RCN2: variants seen among roughly 807,000 people sequenced by gnomAD.
The protein encoded by RCN2 is reticulocalbin-2.
RCN2 carries 23 observed loss-of-function variants against 37.5 expected under a neutral mutation model. The ratio of observed to expected loss-of-function variants is 0.61; its 90% CI spans 0.44 to 0.87. The LOEUF is 0.87. Among genes scored for constraint, RCN2 ranks in the 40% least tolerant of loss-of-function variants. The pLI is 0.00. For synonymous variants in RCN2, 140 were observed against 144.6 expected (o/e 0.97, Z 0.23); for missense variants, 381 against 390.4 (o/e 0.98, Z 0.20).
intron 4 of RCN2, among the ~76,000 whole-genome samples, chr15:76,946,751 GA>G (rs1017056894): frequency 5.5e-5 from 8 of 146,776 alleles, no homozygotes; most frequent in African/African-American, 1.0e-4. Flanking sequence ...GACCCCATCT[GA>G]AAAAAAAAAG....
In RCN2 at chr15:76,954,002, A is replaced by C. The variant is rs911635745; in HGVS notation, c.*4780A>C. The C allele has an allele frequency of 4.1e-5, 6 of 147,758 alleles. No homozygotes were observed. The East Asian group carries it at 7.9e-4, about 19-fold the overall frequency. 9.2% of individuals were successfully genotyped at this position (147,758 alleles called of 1,614,324 possible). A position where few individuals can be genotyped will look rare whatever the true frequency, so the allele number is the denominator to read the frequency against. Reference sequence around the variant, plus strand: ...TCCACCAATAGTGCACAAGAGTTCCAGTTTCTTTACATCCTTACCAACACT... The same window carrying C: ...TCCACCAATAGTGCACAAGAGTTCCCGTTTCTTTACATCCTTACCAACACT... On this transcript the variant is annotated 3_prime_UTR_variant, in exon 7 of 7. Coordinates refer to ENST00000394885, the MANE Select transcript of RCN2 (RefSeq NM_002902.3).
chr15:76,941,781 T>G (rs1386248720), intron 3 of RCN2: 1 of 643,974 alleles, frequency 1.6e-6, no homozygotes. Context: ...TTTAAAGAAA[T>G]CTCAGCTTGT....
chr15:76,939,177 G>A (rs752080782), intron 3 of RCN2, among the ~76,000 whole-genome samples: 2 of 151,918 alleles, frequency 1.3e-5, no homozygotes, highest in Non-Finnish European at 2.9e-5. Flanking sequence ...GCTGCGGTGA[G>A]CCATATTTAT....
chr15:76,944,284 A>G (rs1381266397), intron 4 of RCN2, among the ~76,000 whole-genome samples: 1 of 152,038 alleles, frequency 6.6e-6, no homozygotes, highest in Non-Finnish European at 1.5e-5. Context: ...CCCGGCCGAG[A>G]TGTTTTGATA....
Position 76,953,576 on chromosome 15 carries a change from TATATA to T in RCN2, c.*4355_*4359del, listed in dbSNP as rs2075332302. On this transcript the variant is annotated 3_prime_UTR_variant, in exon 7 of 7. Transcript: ENST00000394885. ...AATTCTATATATATATATATATATA[TATATA>T]TATATATATATATTTTTTTTTTTTT... 1 of 20,126 alleles carries T rather than the reference TATATA, an allele frequency of 5.0e-5. No homozygotes were observed. Among genetic ancestry groups the T allele is most frequent in the Non-Finnish European group, 1.1e-4 (1 of 9,398 alleles). The allele number at this position is 20,126 out of a possible 1,614,324, so 1.2% of individuals were successfully genotyped here. A position where few individuals can be genotyped will look rare whatever the true frequency, so the allele number is the denominator to read the frequency against.
rs866395621 is a variant in RCN2 at position 76,953,573 on chromosome 15, A to T, written c.*4351A>T. The T allele has an allele frequency of 1.3e-4, 2 of 15,844 alleles. No homozygotes were observed. Among genetic ancestry groups the T allele is most frequent in the East Asian group, 1.5e-3 (1 of 688 alleles). The allele number at this position is 15,844 out of a possible 1,614,324, so 1.0% of individuals were successfully genotyped here. ...AGTAATTCTATATATATATATATAT[A>T]TATATATATATATATATATATTTTT... is the stretch of plus-strand genomic sequence containing the variant. On this transcript the variant is annotated 3_prime_UTR_variant, in exon 7 of 7. Coordinates refer to ENST00000394885, the MANE Select transcript of RCN2 (RefSeq NM_002902.3).
chr15:76,943,831 T>A lies in RCN2; in HGVS notation c.521T>A (p.Phe174Tyr). ...GGTCCCGGTTTGAGTCTTGAAGAAT[T>A]TATTGCTTTTGAGCATCCTGAAGAA... is the stretch of plus-strand genomic sequence containing the variant. ...DSGPGLSLEE[F>Y]IAFEHPEEVD... Residue 174 changes from phenylalanine (F) to tyrosine (Y), a missense_variant, in exon 4 of 7, where the codon TTT becomes TAT. Transcript: ENST00000394885. 1 of 1,610,750 alleles carries A rather than the reference T, an allele frequency of 6.2e-7. No individual in the cohort carries two copies. Among genetic ancestry groups the A allele is most frequent in the Non-Finnish European group, 8.5e-7 (1 of 1,177,436 alleles).
At chr15:76,940,498 G>A (rs1413824597) in intron 3 of RCN2, among the ~76,000 whole-genome samples, 1 of 147,998 alleles carries the variant, frequency 6.8e-6, no homozygotes, top group Non-Finnish European at 1.5e-5. Context: ...TTTTCTATAA[G>A]AAAGTCTGTT....
Position 76,931,885 on chromosome 15 carries a change from T to C in RCN2, c.44T>C (p.Leu15Pro). 7.6e-7 allele frequency: 1 copy of C among 1,316,618 alleles called. No homozygotes were observed. The highest frequency in any genetic ancestry group is 9.7e-7 in the Non-Finnish European group (1 of 1,032,222). The allele number at this position is 1,316,618 out of a possible 1,614,324, so 81.6% of individuals were successfully genotyped here. A position where few individuals can be genotyped will look rare whatever the true frequency, so the allele number is the denominator to read the frequency against. The change falls in exon 1 of 7, where the codon CTG (leucine) becomes CCG (proline). Residue 15 changes from leucine to proline, a missense_variant. Physicochemically the swap from Leu to Pro is moderately conservative, Grantham distance 98. Coordinates refer to ENST00000394885, the MANE Select transcript of RCN2 (RefSeq NM_002902.3). ...ACCGCGGCGTTGGGGCTGCTGCTGC[T>C]GTGCGCCGCCGCGGCCGGCGCCGGC... is the stretch of plus-strand genomic sequence containing the variant. ...PRTAALGLLL[L>P]CAAAAGAGKA...
Position 76,931,773 on chromosome 15 carries a change from T to C in RCN2, c.-69T>C, listed in dbSNP as rs1596000659. 41 of 1,146,650 alleles carry C rather than the reference T, an allele frequency of 3.6e-5. No homozygotes were observed. In the East Asian group the frequency reaches 1.5e-3, roughly 43 times the overall value. 71.0% of individuals were successfully genotyped at this position (1,146,650 alleles called of 1,614,324 possible). The stretch of plus-strand genomic sequence containing the variant: ...CCTCTCTGTAGCCGCCCGCGGAGCA[T>C]CGCAGCCGGCCCGGGCCCCCGCCAG... On this transcript the variant is annotated 5_prime_UTR_variant, in exon 1 of 7. Coordinates refer to ENST00000394885, the MANE Select transcript of RCN2 (RefSeq NM_002902.3).
intron 4 of RCN2, among the ~76,000 whole-genome samples, chr15:76,946,893 T>C (rs1256523803): frequency 1.3e-5 from 2 of 152,136 alleles, no homozygotes; most frequent in Admixed American, 1.3e-4. Context: ...CAGTTTGGGA[T>C]GGATAGGGCT....
At chr15:76,938,993 C>T (rs1399658025) in intron 3 of RCN2, among the ~76,000 whole-genome samples, 1 of 152,120 alleles carries the variant, frequency 6.6e-6, no homozygotes, top group Non-Finnish European at 1.5e-5. Context: ...GGCAAGACCC[C>T]GTCCCTATGG....
chr15:76,944,790 T>A (rs2075290816), intron 4 of RCN2, among the ~76,000 whole-genome samples: 1 of 152,228 alleles, frequency 6.6e-6, no homozygotes, highest in Admixed American at 6.5e-5. Flanking sequence ...GATGTACGCT[T>A]GGGTTGCTTC....
chr15:76,950,257 A>G lies in RCN2; in HGVS notation c.*1035A>G, dbSNP rs1377276555. The stretch of plus-strand genomic sequence containing the variant: ...ACTGAAATTAAAATCATACTTGATA[A>G]GCATGATAATCAATTTTAACCTAAT... On this transcript the variant is annotated 3_prime_UTR_variant, in exon 7 of 7. Transcript: ENST00000394885. The G allele has an allele frequency of 2.0e-5, 3 of 152,008 alleles. No homozygotes were observed. Among genetic ancestry groups the G allele is most frequent in the African/African-American group, 7.2e-5 (3 of 41,426 alleles). The allele number at this position is 152,008 out of a possible 1,614,324, so 9.4% of individuals were successfully genotyped here.
At position 76,931,753 on chromosome 15, in the gene RCN2, C is replaced by T; in HGVS notation, c.-89C>T. The T allele has an allele frequency of 9.5e-7, 1 of 1,057,310 alleles. No individual in the cohort carries two copies. The highest frequency in any genetic ancestry group is 4.5e-5 in the South Asian group (1 of 22,042). 65.5% of individuals were successfully genotyped at this position (1,057,310 alleles called of 1,614,324 possible). A position where few individuals can be genotyped will look rare whatever the true frequency, so the allele number is the denominator to read the frequency against. ...CCTCAACGTACGTCGCACCGCCTCT[C>T]TGTAGCCGCCCGCGGAGCATCGCAG... On this transcript the variant is annotated 5_prime_UTR_variant, in exon 1 of 7. Coordinates refer to ENST00000394885, the MANE Select transcript of RCN2 (RefSeq NM_002902.3).
At chr15:76,948,674 T>A (rs1271030608) in intron 6 of RCN2, 122 bp downstream of exon 6, 1 of 910,920 alleles carries the variant, frequency 1.1e-6, no homozygotes, top group Admixed American at 3.1e-5. Context: ...TTGGGATTGA[T>A]GCATTACTAT....
chr15:76,946,156 A>G (rs974589772), intron 4 of RCN2, among the ~76,000 whole-genome samples: 3 of 152,240 alleles, frequency 2.0e-5, no homozygotes, highest in African/African-American at 7.2e-5. Flanking sequence ...TGTTAAGGGA[A>G]GGCAAGAGTC....
chr15:76,941,572 A>T (rs1226013941), intron 3 of RCN2: 1 of 894,144 alleles, frequency 1.1e-6, no homozygotes, highest in African/African-American at 1.7e-5. Flanking sequence ...AAGTTTTTAT[A>T]TACAAGAAAA....
At chr15:76,932,881 T>A (rs1257227628) in intron 2 of RCN2, among the ~76,000 whole-genome samples, 1 of 152,340 alleles carries the variant, frequency 6.6e-6, no homozygotes, top group East Asian at 1.9e-4. Context: ...AAAGACCTGT[T>A]GCCTGTGAAT....
Sources: allele counts gnomAD v4.1 joint callset (sites outside exome capture counted in the v4.1 genomes callset), GRCh38; gene constraint gnomAD v4.1.1; transcripts MANE v1.5; gene names NCBI Gene and HGNC (gene_info 2026-07-23, HGNC 2026-07-21).